The following ST6GALNAC3 variants were observed in gnomAD, a reference collection of about 807,000 sequenced individuals.
The protein encoded by ST6GALNAC3 is alpha-N-acetylgalactosaminide alpha-2,6-sialyltransferase 3.
Under a neutral mutation model 32.7 loss-of-function variants are expected in ST6GALNAC3, and 25 were observed. That is an observed-to-expected ratio of 0.76 (90% confidence interval 0.56 to 1.07). ST6GALNAC3 has a LOEUF of 1.07. Ranked by LOEUF, ST6GALNAC3 falls within the 50% of genes least tolerant of loss-of-function variation. The pLI, the probability that ST6GALNAC3 is intolerant of heterozygous loss-of-function variation, is 0.00. For missense variants in ST6GALNAC3, 355 were observed against 382.4 expected (o/e 0.93, Z 0.60); for synonymous variants, 129 against 133.1 (o/e 0.97, Z 0.21).
chr1:76,205,870 T>C (rs555405882), intron 1 of ST6GALNAC3, among the ~76,000 whole-genome samples: 6 of 152,148 alleles, frequency 3.9e-5, no homozygotes, highest in African/African-American at 1.4e-4. Flanking sequence ...CCCCAAACAG[T>C]GAATGTCAGT....
intron 1 of ST6GALNAC3, among the ~76,000 whole-genome samples, chr1:76,210,364 A>G (rs1281314657): frequency 6.6e-6 from 1 of 152,174 alleles, no homozygotes; most frequent in Admixed American, 6.5e-5. Flanking sequence ...TCTGACTAGT[A>G]TGCTGAAGTT....
At chr1:76,289,401 A>G (rs1252989132) in intron 1 of ST6GALNAC3, among the ~76,000 whole-genome samples, 2 of 152,142 alleles carry the variant, frequency 1.3e-5, no homozygotes, top group African/African-American at 2.4e-5. Flanking sequence ...GCTTCCGATT[A>G]CTCATGTTTT....
chr1:76,244,706 G>A (rs1326654314), intron 1 of ST6GALNAC3, among the ~76,000 whole-genome samples: 1 of 152,070 alleles, frequency 6.6e-6, no homozygotes, highest in African/African-American at 2.4e-5. Flanking sequence ...ATAATCATGT[G>A]GTTTTTGTCA....
At chr1:76,138,463 A>G (rs1359734943) in intron 1 of ST6GALNAC3, among the ~76,000 whole-genome samples, 1 of 152,150 alleles carries the variant, frequency 6.6e-6, no homozygotes, top group Non-Finnish European at 1.5e-5. Context: ...GGCATGATTC[A>G]AGACCAATAT....
In ST6GALNAC3 at chr1:76,213,703, G is replaced by C. The variant is rs1244990814; in HGVS notation, c.19-100102G>C. On this transcript the variant is annotated intron_variant, in intron 1 of 4. Transcript: ENST00000328299. ...TGGTGAACATGCAATCTTTTAGGGA[G>C]GTGAATAGTGGCAGGTGTCTATTCT... is the stretch of plus-strand genomic sequence containing the variant. Among the ~76,000 whole-genome samples, 3 of 152,184 alleles carry C rather than the reference G, an allele frequency of 2.0e-5. No homozygotes were observed. In the East Asian group the frequency reaches 5.8e-4, roughly 29 times the overall value.
At chr1:76,568,235 G>T (rs531264621) in intron 3 of ST6GALNAC3, among the ~76,000 whole-genome samples, 1 of 152,212 alleles carries the variant, frequency 6.6e-6, no homozygotes, top group Non-Finnish European at 1.5e-5. Context: ...GCTTGCCCAA[G>T]AACAGACCAC....
intron 3 of ST6GALNAC3, among the ~76,000 whole-genome samples, chr1:76,525,601 T>C (rs940204630): frequency 6.6e-6 from 1 of 151,602 alleles, no homozygotes; most frequent in Non-Finnish European, 1.5e-5. Flanking sequence ...TCTTTCTCAC[T>C]ACTGGTACAA....
At chr1:76,120,215 G>A (rs1178333918) in intron 1 of ST6GALNAC3, among the ~76,000 whole-genome samples, 1 of 152,224 alleles carries the variant, frequency 6.6e-6, no homozygotes, top group Non-Finnish European at 1.5e-5. Flanking sequence ...CTGGACTGGG[G>A]GAACAGTGGC....
chr1:76,523,337 T>A (rs1037351921), intron 3 of ST6GALNAC3, among the ~76,000 whole-genome samples: 3 of 152,216 alleles, frequency 2.0e-5, no homozygotes, highest in African/African-American at 7.2e-5. Context: ...TGGATTTGTT[T>A]CTGTTGCCTA....
At position 76,607,433 on chromosome 1, in the gene ST6GALNAC3, T is replaced by A. The variant is rs564312916; in HGVS notation, c.624-20019T>A. Among the ~76,000 whole-genome samples the A allele has an allele frequency of 1.4e-4, 22 of 152,282 alleles. No homozygotes were observed. The South Asian group carries it at 4.4e-3, about 30-fold the overall frequency. ...GAGGCTGAAAGTTCCAATACTGTAATCATATAATTGGTTCCCCTGGCAACT... is the reference window on the plus strand; with the variant it reads ...GAGGCTGAAAGTTCCAATACTGTAAACATATAATTGGTTCCCCTGGCAACT... On this transcript the variant is annotated intron_variant, in intron 3 of 4. Coordinates refer to ENST00000328299, the MANE Select transcript of ST6GALNAC3 (RefSeq NM_152996.4).
chr1:76,500,021 C>A (rs1661086764), intron 3 of ST6GALNAC3, among the ~76,000 whole-genome samples: 1 of 151,792 alleles, frequency 6.6e-6, no homozygotes. Flanking sequence ...ATCTCATCTT[C>A]TTCAATGTGG....
intron 3 of ST6GALNAC3, among the ~76,000 whole-genome samples, chr1:76,608,350 G>A: frequency 6.6e-6 from 1 of 152,150 alleles, no homozygotes; most frequent in East Asian, 1.9e-4. Context: ...TGGGAAAACA[G>A]AGATTAACCA....
intron 1 of ST6GALNAC3, among the ~76,000 whole-genome samples, chr1:76,244,012 C>T (rs914677069): frequency 5.3e-5 from 8 of 152,240 alleles, no homozygotes; most frequent in African/African-American, 1.9e-4. Context: ...ATGGGGATGG[C>T]ATTGAATCTA....
At chr1:76,083,976 G>A (rs1004005777) in intron 1 of ST6GALNAC3, among the ~76,000 whole-genome samples, 9 of 152,270 alleles carry the variant, frequency 5.9e-5, no homozygotes, top group South Asian at 4.1e-4. Flanking sequence ...TTTTTAAAAG[G>A]TAAATTAATT....
rs184750507 is a variant in ST6GALNAC3 at position 76,272,319 on chromosome 1, T to A, written c.19-41486T>A. Among the ~76,000 whole-genome samples, 16 of 89,278 alleles carry A rather than the reference T, an allele frequency of 1.8e-4. No individual in the cohort carries two copies. In the East Asian group the frequency reaches 5.6e-3, roughly 31 times the overall value. The allele number at this position is 89,278 out of a possible 152,430, so 58.6% of individuals were successfully genotyped here. A position where few individuals can be genotyped will look rare whatever the true frequency, so the allele number is the denominator to read the frequency against. ...GCCTGGGTGACAGGGCAAGACTCAG[T>A]CTCGGAAAAAAAAAAAAAAAAAAAA... On this transcript the variant is annotated intron_variant, in intron 1 of 4. Transcript: ENST00000328299.
At chr1:76,303,103 A>G (rs1660824593) in intron 1 of ST6GALNAC3, among the ~76,000 whole-genome samples, 1 of 102,172 alleles carries the variant, frequency 9.8e-6, no homozygotes, top group Non-Finnish European at 2.4e-5. Context: ...TCACAGTCCT[A>G]TGCAAGTTTT....
chr1:76,410,902 T>C (rs1444731253), intron 2 of ST6GALNAC3, among the ~76,000 whole-genome samples: 3 of 152,118 alleles, frequency 2.0e-5, no homozygotes, highest in African/African-American at 7.2e-5. Context: ...TACTGTCTAG[T>C]GGACAGACAT....
intron 3 of ST6GALNAC3, among the ~76,000 whole-genome samples, chr1:76,580,141 T>C (rs1646871493): frequency 6.6e-6 from 1 of 152,084 alleles, no homozygotes; most frequent in Admixed American, 6.6e-5. Flanking sequence ...TACTCAATAA[T>C]TTTTTACTAT....
chr1:76,143,256 AT>A (rs1650445732), intron 1 of ST6GALNAC3, among the ~76,000 whole-genome samples: 1 of 152,138 alleles, frequency 6.6e-6, no homozygotes, highest in African/African-American at 2.4e-5. Context: ...AGGAAAGAGA[AT>A]TTTTACAGTG....
Sources: allele counts gnomAD v4.1 joint callset (sites outside exome capture counted in the v4.1 genomes callset), GRCh38; gene constraint gnomAD v4.1.1; transcripts MANE v1.5; gene names NCBI Gene and HGNC (gene_info 2026-07-23, HGNC 2026-07-21).